Variants in CSMD3 observed in about 807,000 individuals in gnomAD.
CSMD3 encodes CUB and sushi domain-containing protein 3.
In CSMD3, 177 loss-of-function variants were observed where a neutral mutation model predicts 435.2. The observed-to-expected ratio is 0.41, with a 90% CI of 0.36 to 0.46. The LOEUF is 0.46. CSMD3 is among the 20% of genes least tolerant of loss of function. CSMD3 has a pLI of 0.34. For missense variants in CSMD3, 4,265 were observed against 4,504.6 expected (o/e 0.95, Z 1.52); for synonymous variants, 1,656 against 1,520.5 (o/e 1.09, Z -2.07).
chr8:112,668,435 C>T (rs142987504), intron 16 of CSMD3, among the ~76,000 whole-genome samples: 58 of 151,870 alleles, frequency 3.8e-4, no homozygotes, highest in African/African-American at 1.2e-3. Flanking sequence ...CATCATTAGA[C>T]GAGGTAATTA....
At chr8:113,321,811 G>A (rs1176046350) in intron 1 of CSMD3, among the ~76,000 whole-genome samples, 1 of 151,914 alleles carries the variant, frequency 6.6e-6, no homozygotes, top group East Asian at 1.9e-4. Context: ...AAAGATTTGG[G>A]GTGAATGCAT....
rs1335909193 is a variant in CSMD3, at chr8:112,313,973, A to T, written c.7629T>A (p.His2543Gln). 6.2e-7 allele frequency: 1 copy of T among 1,611,576 alleles called. No individual in the cohort carries two copies. Among genetic ancestry groups the T allele is most frequent in the Admixed American group, 1.7e-5 (1 of 59,998 alleles). ...CTGCTGACCACTGAAGAAATACTTC[A>T]TGACCATTGCTTGTTATATTAAAAG... is the stretch of plus-strand genomic sequence containing the variant. ...SSAFNITSNG[H>Q]EVFLQWSADH... Residue 2543 changes from histidine (H) to glutamine (Q), a missense_variant, in exon 49 of 71, where the codon CAT becomes CAA. Physicochemically the swap from His to Gln is conservative, Grantham distance 24. This residue lies in a region of CSMD3 where 3,255 missense variants were observed against 3,380.2 expected (regional missense o/e 0.96). Coordinates refer to ENST00000297405, the MANE Select transcript of CSMD3 (RefSeq NM_198123.2).
chr8:112,473,721 AT>A (rs71309772), intron 31 of CSMD3, among the ~76,000 whole-genome samples: 3,190 of 131,260 alleles, frequency 0.024, 80 homozygotes, highest in African/African-American at 0.072. Flanking sequence ...AGGAAGAGGG[AT>A]TTTTTTTTTT....
chr8:112,873,751 T>C (rs1016998886), intron 10 of CSMD3, among the ~76,000 whole-genome samples: 56 of 152,300 alleles, frequency 3.7e-4, no homozygotes, highest in Admixed American at 3.5e-3. Context: ...GTGGGATCAG[T>C]GGTGATACCC....
intron 6 of CSMD3, 24 bp downstream of exon 6, chr8:113,019,043 G>A (rs751653510): frequency 8.0e-6 from 11 of 1,374,286 alleles, no homozygotes; most frequent in Admixed American, 5.0e-5. Flanking sequence ...TATCAAAAGA[G>A]GCAAAGGTAT....
chr8:112,348,548 GTAGTACCAGCT>G, intron 40 of CSMD3, among the ~76,000 whole-genome samples: 1 of 151,988 alleles, frequency 6.6e-6, no homozygotes, highest in East Asian at 1.9e-4. Context: ...TCTGTCACAT[GTAGTACCAGCT>G]TATTGTTCAA....
chr8:112,623,877 G>A (rs974714173), intron 22 of CSMD3, among the ~76,000 whole-genome samples: 4 of 151,796 alleles, frequency 2.6e-5, no homozygotes, highest in Non-Finnish European at 5.9e-5. Context: ...AACTCAGTTT[G>A]GTAAATTAAT....
chr8:113,119,545 A>G (rs1350004900), intron 4 of CSMD3, among the ~76,000 whole-genome samples: 1 of 152,182 alleles, frequency 6.6e-6, no homozygotes, highest in Non-Finnish European at 1.5e-5. Flanking sequence ...TAAGAATGGA[A>G]AAAGATGCCC....
Position 112,492,723 on chromosome 8 carries a change from T to G in CSMD3, c.5084-40A>C, listed in dbSNP as rs781474988. 3 of 1,507,930 alleles carry G rather than the reference T, an allele frequency of 2.0e-6. No homozygotes were observed. The South Asian group carries it at 3.4e-5, about 17-fold the overall frequency. 93.4% of individuals were successfully genotyped at this position (1,507,930 alleles called of 1,614,324 possible). A position where few individuals can be genotyped will look rare whatever the true frequency, so the allele number is the denominator to read the frequency against. On this transcript the variant is annotated intron_variant, in intron 30 of 70. Transcript: ENST00000297405. ...TAGTATAACATTAATTGCTTTAAAA[T>G]ACAGTTGGCACTCCGTAATACATGG...
At chr8:112,287,418 T>G (rs1819314969) in intron 57 of CSMD3, among the ~76,000 whole-genome samples, 172 bp from the exon 58 acceptor site, 1 of 152,060 alleles carries the variant, frequency 6.6e-6, no homozygotes, top group Non-Finnish European at 1.5e-5. Context: ...AAAAAAAGTG[T>G]AAATGAAAAA....
intron 1 of CSMD3, among the ~76,000 whole-genome samples, chr8:113,321,613 T>C (rs1336124704): frequency 1.3e-5 from 2 of 152,190 alleles, no homozygotes; most frequent in Non-Finnish European, 2.9e-5. Context: ...CTTTATGCCA[T>C]TGTGGTTTGA....
At chr8:112,552,514 A>G in intron 26 of CSMD3, 80 bp downstream of exon 26, 1 of 1,356,570 alleles carries the variant, frequency 7.4e-7, no homozygotes, top group Admixed American at 1.8e-5. Flanking sequence ...AAAATGAAAT[A>G]AATGGATATT....
At chr8:112,725,870 G>A (rs1016657051) in intron 13 of CSMD3, among the ~76,000 whole-genome samples, 10 of 152,026 alleles carry the variant, frequency 6.6e-5, no homozygotes, top group Admixed American at 6.6e-4. Context: ...ACATGAGATT[G>A]CAACCTGTGT....
At chr8:112,778,567 A>G (rs1294595537) in intron 13 of CSMD3, among the ~76,000 whole-genome samples, 1 of 151,790 alleles carries the variant, frequency 6.6e-6, no homozygotes, top group Non-Finnish European at 1.5e-5. Flanking sequence ...GCCATAGTTT[A>G]TTTATCCATT....
At chr8:113,428,501 C>T (rs1513529) in intron 1 of CSMD3, among the ~76,000 whole-genome samples, 2,748 of 151,704 alleles carry the variant, frequency 0.018, 93 homozygotes, top group African/African-American at 0.061. Flanking sequence ...ATGTGTATTA[C>T]TCGAAAATGG....
At chr8:112,932,325 A>G (rs1158815157) in intron 9 of CSMD3, among the ~76,000 whole-genome samples, 1 of 152,246 alleles carries the variant, frequency 6.6e-6, no homozygotes, top group East Asian at 1.9e-4. Context: ...ATTAAGTAAA[A>G]TAAACCAGGC....
intron 1 of CSMD3, among the ~76,000 whole-genome samples, chr8:113,357,083 T>C (rs141355279): frequency 2.2e-3 from 328 of 152,330 alleles, no homozygotes; most frequent in African/African-American, 7.6e-3. Context: ...TATGTGTTTG[T>C]GTTGTATTTA....
At chr8:112,472,189 T>C (rs191118299) in intron 32 of CSMD3, among the ~76,000 whole-genome samples, 3 of 152,210 alleles carry the variant, frequency 2.0e-5, no homozygotes, top group East Asian at 1.9e-4. Context: ...AAAATTGATA[T>C]GATTGCTTTG....
intron 1 of CSMD3, among the ~76,000 whole-genome samples, chr8:113,358,784 G>C (rs1277017260): frequency 6.6e-6 from 1 of 151,796 alleles, no homozygotes; most frequent in Non-Finnish European, 1.5e-5. Context: ...CTCTGGGATG[G>C]TCGTGGATGG....
Sources: allele counts gnomAD v4.1 joint callset (sites outside exome capture counted in the v4.1 genomes callset), GRCh38; gene constraint gnomAD v4.1.1; regional missense constraint gnomAD v4.1.1; transcripts MANE v1.5; gene names NCBI Gene and HGNC (gene_info 2026-07-23, HGNC 2026-07-21).